Variants in VOPP1 observed in about 807,000 individuals in gnomAD.
VOPP1 encodes WW domain binding protein VOPP1.
In VOPP1, 8 loss-of-function variants were observed where a neutral mutation model predicts 23.5. That is an observed-to-expected ratio of 0.34 (90% CI 0.20 to 0.61). The LOEUF (loss-of-function observed/expected upper bound fraction) is 0.61, where lower values mean the gene tolerates loss of function less well. Among genes scored for constraint, VOPP1 ranks in the 20% least tolerant of loss-of-function variants. VOPP1 has a pLI of 0.78. For missense variants in VOPP1, 174 were observed against 238.1 expected (o/e 0.73, Z 1.77); for synonymous variants, 83 against 97.3 (o/e 0.85, Z 0.86).
At chr7:55,488,780 C>T (rs901525044) in intron 4 of VOPP1, among the ~76,000 whole-genome samples, 2 of 152,244 alleles carry the variant, frequency 1.3e-5, no homozygotes, top group Non-Finnish European at 2.9e-5. Flanking sequence ...CCCTCTCAGA[C>T]CAGCAGAGGA....
chr7:55,473,018 T>C lies in VOPP1; in HGVS notation c.356A>G (p.Tyr119Cys). The C allele has an allele frequency of 1.3e-6, 2 of 1,598,882 alleles. No individual in the cohort carries two copies. Among genetic ancestry groups the C allele is most frequent in the Non-Finnish European group, 1.7e-6 (2 of 1,174,222 alleles). ...PGAQQPGPPYYTDPGGPGMNP... is the reference protein window; with the variant it reads ...PGAQQPGPPYCTDPGGPGMNP... ...CATCCCCGGTCCTCCTGGGTCGGTG[T>C]AATAGGGCGGCCCCGGCTGCTGGGC... is the stretch of plus-strand genomic sequence containing the variant. Residue 119 changes from tyrosine (Y) to cysteine (C), a missense_variant, in exon 5 of 5, where the codon TAC (tyrosine) becomes TGC (cysteine). Transcript: ENST00000285279.
intron 1 of VOPP1, chr7:55,526,892 C>A (rs1032365790): frequency 6.6e-6 from 1 of 152,278 alleles, no homozygotes; most frequent in Admixed American, 6.5e-5. Flanking sequence ...GAGGGGCCCC[C>A]TGCTGTGCCT....
At chr7:55,487,504 T>C (rs1793228483) in intron 4 of VOPP1, among the ~76,000 whole-genome samples, 1 of 152,204 alleles carries the variant, frequency 6.6e-6, no homozygotes, top group South Asian at 2.1e-4. Flanking sequence ...TGGAGGACAG[T>C]GGCTATTCAC....
intron 1 of VOPP1, among the ~76,000 whole-genome samples, chr7:55,551,029 G>A (rs991920664): frequency 1.3e-5 from 2 of 152,150 alleles, no homozygotes; most frequent in African/African-American, 2.4e-5. Context: ...GGTGACAGGC[G>A]AAGGGGCACA....
chr7:55,436,175 C>T (rs1352078696), intron 4 of VOPP1: 5 of 152,202 alleles, frequency 3.3e-5, no homozygotes. Flanking sequence ...AGTATATGGT[C>T]TACAAAGAAA....
chr7:55,495,091 C>A (rs1187018608), intron 3 of VOPP1, among the ~76,000 whole-genome samples: 7 of 151,938 alleles, frequency 4.6e-5, no homozygotes, highest in African/African-American at 1.7e-4. Context: ...ATTCTGCAGT[C>A]CCAAGGACTG....
At chr7:55,512,869 G>A (rs1795172569) in intron 2 of VOPP1, among the ~76,000 whole-genome samples, 2 of 152,228 alleles carry the variant, frequency 1.3e-5, no homozygotes, top group African/African-American at 4.8e-5. Context: ...AGGTGACCTT[G>A]TGTCCAGGGA....
chr7:55,568,708 C>T lies in VOPP1; in HGVS notation c.54+3563G>A, dbSNP rs139834756. On this transcript the variant is annotated intron_variant, in intron 1 of 4. Transcript: ENST00000285279. ...GACAATATCTAGAAAACAATGCACACAACAAAAAGCCCCAGGGAGGTGCAT... is the reference window on the plus strand; with the variant it reads ...GACAATATCTAGAAAACAATGCACATAACAAAAAGCCCCAGGGAGGTGCAT... 6.7e-4 allele frequency among the ~76,000 whole-genome samples: 102 copies of T among 152,272 alleles called. 1 individual carries two copies. The East Asian group carries it at 0.018, about 27-fold the overall frequency.
At chr7:55,481,762 G>C (rs1583865928) in intron 4 of VOPP1, among the ~76,000 whole-genome samples, 1 of 152,200 alleles carries the variant, frequency 6.6e-6, no homozygotes, top group Admixed American at 6.5e-5. Flanking sequence ...CTCAGCAGGG[G>C]ACACGAAGGA....
intron 4 of VOPP1, among the ~76,000 whole-genome samples, chr7:55,440,499 G>C (rs1483238628): frequency 2.6e-5 from 4 of 152,238 alleles, no homozygotes; most frequent in African/African-American, 4.8e-5. Context: ...AGAGGCATGG[G>C]ATCTGGGGCC....
At chr7:55,570,524 G>C (rs1007412750) in intron 1 of VOPP1, among the ~76,000 whole-genome samples, 1 of 152,156 alleles carries the variant, frequency 6.6e-6, no homozygotes, top group Non-Finnish European at 1.5e-5. Flanking sequence ...GGAAAGAATG[G>C]AGTCACTGAG....
chr7:55,543,948 C>T (rs1418821805), intron 1 of VOPP1, among the ~76,000 whole-genome samples: 7 of 152,238 alleles, frequency 4.6e-5, no homozygotes, highest in Non-Finnish European at 8.8e-5. Context: ...GCTTTGGTTG[C>T]CTGTGCTTTT....
chr7:55,516,893 T>C (rs886862214), intron 2 of VOPP1, among the ~76,000 whole-genome samples: 69 of 141,034 alleles, frequency 4.9e-4, no homozygotes, highest in African/African-American at 1.4e-3. Flanking sequence ...ACTTTTTAGA[T>C]GAGATCCATT....
chr7:55,539,899 GCACACACACACACACACACA>G (rs60831624), intron 1 of VOPP1, among the ~76,000 whole-genome samples: 2 of 139,250 alleles, frequency 1.4e-5, no homozygotes, highest in African/African-American at 2.7e-5. Flanking sequence ...CATAAGCGCT[GCACACACACACACACACACA>G]CACACACACA....
At chr7:55,567,998 G>GAA (rs1422084216) in intron 1 of VOPP1, among the ~76,000 whole-genome samples, 1 of 150,702 alleles carries the variant, frequency 6.6e-6, no homozygotes, top group Non-Finnish European at 1.5e-5. Context: ...CAGAACTTCA[G>GAA]AAAAATACTC....
At chr7:55,479,409 A>G (rs1280367921) in intron 4 of VOPP1, among the ~76,000 whole-genome samples, 1 of 150,432 alleles carries the variant, frequency 6.6e-6, no homozygotes, top group Non-Finnish European at 1.5e-5. Context: ...CCAGCTCAGT[A>G]CTGGCATTTC....
intron 1 of VOPP1, among the ~76,000 whole-genome samples, chr7:55,557,969 C>A (rs892147670): frequency 6.6e-6 from 1 of 152,096 alleles, no homozygotes; most frequent in African/African-American, 2.4e-5. Flanking sequence ...AATCAATATG[C>A]GGTTTAGTAA....
chr7:55,544,669 A>G (rs994967425), intron 1 of VOPP1, among the ~76,000 whole-genome samples: 2 of 152,226 alleles, frequency 1.3e-5, no homozygotes, highest in African/African-American at 4.8e-5. Context: ...GTAATCTAAC[A>G]TTTAACTCTG....
chr7:55,567,490 C>T (rs1033087750), intron 1 of VOPP1, among the ~76,000 whole-genome samples: 4 of 152,194 alleles, frequency 2.6e-5, no homozygotes, highest in African/African-American at 9.7e-5. Context: ...AATGTCCTTG[C>T]CCTGCAGAGC....
Sources: allele counts gnomAD v4.1 joint callset (sites outside exome capture counted in the v4.1 genomes callset), GRCh38; gene constraint gnomAD v4.1.1; transcripts MANE v1.5; gene names NCBI Gene and HGNC (gene_info 2026-07-23, HGNC 2026-07-21).